Variants in ZFAT observed in about 807,000 individuals in gnomAD.
ZFAT encodes zinc finger and AT-hook domain containing, also known as zinc finger protein ZFAT.
ZFAT carries 64 observed loss-of-function variants against 117.7 expected under a neutral mutation model. The observed-to-expected ratio is 0.54, with a 90% CI of 0.44 to 0.67. The LOEUF is 0.67. Among genes scored for constraint, ZFAT ranks in the 30% least tolerant of loss-of-function variants. The probability of loss-of-function intolerance (pLI) is 0.00; values close to 1 mark genes in which losing one functional copy is unlikely to be tolerated. For missense variants in ZFAT, 1,433 were observed against 1,584.5 expected (o/e 0.90, Z 1.62); for synonymous variants, 679 against 615.0 (o/e 1.10, Z -1.54).
intron 11 of ZFAT, among the ~76,000 whole-genome samples, chr8:134,551,826 A>C (rs547384556): frequency 6.6e-6 from 1 of 152,184 alleles, no homozygotes; most frequent in Non-Finnish European, 1.5e-5. Context: ...TATTTTGTAC[A>C]TACAACCATT....
At chr8:134,536,170 A>G (rs1821823960) in intron 11 of ZFAT, among the ~76,000 whole-genome samples, 1 of 152,192 alleles carries the variant, frequency 6.6e-6, no homozygotes, top group Admixed American at 6.5e-5. Flanking sequence ...TGTGAGCCCA[A>G]ATGAGGATTC....
At chr8:134,590,704 GACC>G (rs34339199) in intron 7 of ZFAT, among the ~76,000 whole-genome samples, 58,171 of 129,300 alleles carry the variant, frequency 0.45, 11,761 homozygotes, top group Admixed American at 0.57. Context: ...ACAACACCAC[GACC>G]ACCATCACCA....
intron 11 of ZFAT, among the ~76,000 whole-genome samples, chr8:134,559,695 T>C (rs1347389768): frequency 6.6e-6 from 1 of 152,204 alleles, no homozygotes; most frequent in African/African-American, 2.4e-5. Flanking sequence ...GGAGCATGCT[T>C]GCAAACTTCT....
the ZFAT span, among the ~76,000 whole-genome samples, chr8:134,832,049 A>AGCGCCCC: frequency 1.4e-5 from 2 of 147,968 alleles, no homozygotes; most frequent in Admixed American, 6.7e-5. Context: ...TCCCGCTCCC[A>AGCGCCCC]GCGCCCCGCG....
the ZFAT span, among the ~76,000 whole-genome samples, chr8:134,726,017 T>C: frequency 6.6e-6 from 1 of 152,326 alleles, no homozygotes; most frequent in South Asian, 2.1e-4. Context: ...ACCCATGTTG[T>C]GCCAGGCACT....
chr8:134,618,446 T>C (rs887394658), intron 3 of ZFAT, among the ~76,000 whole-genome samples: 3 of 152,124 alleles, frequency 2.0e-5, no homozygotes, highest in Admixed American at 6.5e-5. Context: ...TGCATTTTTA[T>C]TTGAAAAAGA....
chr8:134,790,195 A>G, the ZFAT span, among the ~76,000 whole-genome samples: 1 of 152,240 alleles, frequency 6.6e-6, no homozygotes, highest in Non-Finnish European at 1.5e-5. Context: ...AGAAGAGGCC[A>G]TAAGAATCCA....
At chr8:134,770,005 G>T in the ZFAT span, among the ~76,000 whole-genome samples, 7 of 152,200 alleles carry the variant, frequency 4.6e-5, no homozygotes, top group African/African-American at 1.7e-4. Context: ...AGGTACCCTG[G>T]GTCTGGCCCA....
chr8:134,684,110 G>C (rs1833201229), intron 1 of ZFAT, among the ~76,000 whole-genome samples: 1 of 152,056 alleles, frequency 6.6e-6, no homozygotes, highest in African/African-American at 2.4e-5. Flanking sequence ...GAAAAAAACA[G>C]AGACACACAG....
intron 2 of ZFAT, among the ~76,000 whole-genome samples, chr8:134,651,324 C>T (rs2131173821): frequency 6.6e-6 from 1 of 152,234 alleles, no homozygotes; most frequent in South Asian, 2.1e-4. Context: ...GTAGCATATG[C>T]ATACAATGAA....
At chr8:134,516,894 A>G (rs544777849) in intron 13 of ZFAT, among the ~76,000 whole-genome samples, 13 of 152,270 alleles carry the variant, frequency 8.5e-5, no homozygotes, top group Non-Finnish European at 1.6e-4. Context: ...CAATGGCTTG[A>G]TTCTTGGTCT....
At chr8:134,729,486 C>T in the ZFAT span, among the ~76,000 whole-genome samples, 1 of 152,212 alleles carries the variant, frequency 6.6e-6, no homozygotes, top group African/African-American at 2.4e-5. Flanking sequence ...CGCCTGCCAC[C>T]ACGCCCAGCT....
At chr8:134,810,703 T>G in the ZFAT span, among the ~76,000 whole-genome samples, 3 of 152,080 alleles carry the variant, frequency 2.0e-5, no homozygotes, top group Non-Finnish European at 2.9e-5. Flanking sequence ...CATAAAAGAA[T>G]AAAGCTCTCA....
chr8:134,804,226 T>C, the ZFAT span, among the ~76,000 whole-genome samples: 1 of 152,128 alleles, frequency 6.6e-6, no homozygotes, highest in Non-Finnish European at 1.5e-5. Context: ...AAGCAATAAA[T>C]CTGAAAGCAA....
At chr8:134,803,168 C>T in the ZFAT span, among the ~76,000 whole-genome samples, 1 of 152,128 alleles carries the variant, frequency 6.6e-6, no homozygotes, top group African/African-American at 2.4e-5. Flanking sequence ...ATGCCTACCC[C>T]CTCATTTAGC....
chr8:134,530,535 G>C (rs968481690), intron 12 of ZFAT, among the ~76,000 whole-genome samples: 1 of 152,212 alleles, frequency 6.6e-6, no homozygotes, highest in Admixed American at 6.5e-5. Flanking sequence ...TCTCCTGCCA[G>C]AGCACAACGG....
chr8:134,484,799 GATT>G, intron 15 of ZFAT, among the ~76,000 whole-genome samples: 1 of 152,276 alleles, frequency 6.6e-6, no homozygotes, highest in Admixed American at 6.5e-5. Context: ...TAGTTGTAGT[GATT>G]ATTATTATTT....
At chr8:134,618,089 G>A (rs1828870004) in intron 3 of ZFAT, among the ~76,000 whole-genome samples, 1 of 152,068 alleles carries the variant, frequency 6.6e-6, no homozygotes, top group Non-Finnish European at 1.5e-5. Flanking sequence ...TGATTCTGAG[G>A]CCTCCCCAGC....
chr8:134,521,030 A>G, intron 12 of ZFAT, 29 bp from the exon 13 acceptor site: 1 of 1,565,550 alleles, frequency 6.4e-7, no homozygotes, highest in Non-Finnish European at 8.8e-7. Flanking sequence ...GTTAAAAAAA[A>G]AATGTGTTCG....
Sources: allele counts gnomAD v4.1 joint callset (sites outside exome capture counted in the v4.1 genomes callset), GRCh38; gene constraint gnomAD v4.1.1; transcripts MANE v1.5; gene names NCBI Gene and HGNC (gene_info 2026-07-23, HGNC 2026-07-21).